MOGAT1: variants seen among roughly 807,000 people sequenced by gnomAD.
The protein encoded by MOGAT1 is monoacylglycerol O-acyltransferase 1, also known as 2-acylglycerol O-acyltransferase 1.
Under a neutral mutation model 31.4 loss-of-function variants are expected in MOGAT1, and 32 were observed. The observed-to-expected ratio is 1.02, with a 90% confidence interval of 0.77 to 1.37. MOGAT1 has a LOEUF of 1.37. Among genes scored for constraint, MOGAT1 ranks in the 40% most tolerant of loss-of-function variants. The probability of loss-of-function intolerance (pLI) is 0.00; values close to 1 mark genes in which losing one functional copy is unlikely to be tolerated. For missense variants in MOGAT1, 426 were observed against 402.0 expected (o/e 1.06, Z -0.51); for synonymous variants, 145 against 144.5 (o/e 1.00, Z -0.03).
chr2:222,688,238 A>G (rs1692705938), intron 1 of MOGAT1, 106 bp from the exon 2 acceptor site: 1 of 787,278 alleles, frequency 1.3e-6, no homozygotes, highest in Non-Finnish European at 2.0e-6. Flanking sequence ...ACCTGAACTG[A>G]GGCTCAGTTT....
intron 2 of MOGAT1, among the ~76,000 whole-genome samples, chr2:222,688,896 T>G (rs750467825): frequency 2.6e-5 from 4 of 152,210 alleles, no homozygotes; most frequent in Non-Finnish European, 4.4e-5. Flanking sequence ...CGTTAATCCA[T>G]TCACTCTGCT....
In MOGAT1 at chr2:222,693,494, A is replaced by G. The variant is rs191556410; in HGVS notation, c.479-868A>G. 8.4e-5 allele frequency among the ~76,000 whole-genome samples: 12 copies of G among 143,160 alleles called. No individual in the cohort carries two copies. In the Admixed American group the frequency reaches 8.8e-4, roughly 11 times the overall value. 93.9% of individuals were successfully genotyped at this position (143,160 alleles called of 152,430 possible). ...AACCATTTTGTATTAGTTCATTTTC[A>G]CACTGCTGATAAAGACATATCCAAG... On this transcript the variant is annotated intron_variant, in intron 3 of 5. Coordinates refer to ENST00000446656, the MANE Select transcript of MOGAT1 (RefSeq NM_058165.3).
intron 1 of MOGAT1, among the ~76,000 whole-genome samples, chr2:222,685,271 A>C (rs1692646435): frequency 6.6e-6 from 1 of 152,208 alleles, no homozygotes; most frequent in South Asian, 2.1e-4. Flanking sequence ...TTATTATAAC[A>C]GTGGCTCACA....
At chr2:222,686,103 A>T (rs929077495) in intron 1 of MOGAT1, among the ~76,000 whole-genome samples, 9 of 152,246 alleles carry the variant, frequency 5.9e-5, no homozygotes, top group African/African-American at 2.2e-4. Flanking sequence ...AGAAAGGAAA[A>T]CAGAACCTCC....
intron 5 of MOGAT1, among the ~76,000 whole-genome samples, chr2:222,701,580 G>GAAAAAGAAAGAAAT (rs1692928776): frequency 9.4e-6 from 1 of 106,794 alleles, no homozygotes; most frequent in African/African-American, 3.9e-5. Flanking sequence ...AGAAAAGAAA[G>GAAAAAGAAAGAAAT]AAAAAGAAAG....
At chr2:222,701,208 G>A (rs980341251) in intron 5 of MOGAT1, among the ~76,000 whole-genome samples, 18 of 151,652 alleles carry the variant, frequency 1.2e-4, no homozygotes, top group African/African-American at 3.4e-4. Flanking sequence ...TGAAGTGAGC[G>A]GAGATCGTGC....
At chr2:222,697,185 G>A (rs1436073758) in intron 5 of MOGAT1, among the ~76,000 whole-genome samples, 1 of 152,182 alleles carries the variant, frequency 6.6e-6, no homozygotes, top group Non-Finnish European at 1.5e-5. Context: ...TTATGAAGCT[G>A]GAAGTAATAT....
chr2:222,701,044 C>T (rs1389648399), intron 5 of MOGAT1, among the ~76,000 whole-genome samples: 1 of 152,212 alleles, frequency 6.6e-6, no homozygotes, highest in East Asian at 1.9e-4. Flanking sequence ...CCCAAATCAT[C>T]ACCTTAGCTA....
At position 222,671,689 on chromosome 2, in the gene MOGAT1, C is replaced by G. The variant is rs1164128785; in HGVS notation, c.-97C>G. The G allele has an allele frequency of 3.8e-6, 4 of 1,045,728 alleles. No individual in the cohort carries two copies. In the African/African-American group the frequency reaches 6.4e-5, roughly 17 times the overall value. The allele number at this position is 1,045,728 out of a possible 1,614,324, so 64.8% of individuals were successfully genotyped here. A position where few individuals can be genotyped will look rare whatever the true frequency, so the allele number is the denominator to read the frequency against. ...TCCTCTCCGCCCAGCCAGTGCCCAGCGCGGGGCCCGGATCCGGCCGGGCAC... is the reference window on the plus strand; with the variant it reads ...TCCTCTCCGCCCAGCCAGTGCCCAGGGCGGGGCCCGGATCCGGCCGGGCAC... On this transcript the variant is annotated 5_prime_UTR_variant, in exon 1 of 6. Coordinates refer to ENST00000446656, the MANE Select transcript of MOGAT1 (RefSeq NM_058165.3).
chr2:222,693,360 G>C (rs907630790), intron 3 of MOGAT1, among the ~76,000 whole-genome samples: 1 of 150,620 alleles, frequency 6.6e-6, no homozygotes, highest in African/African-American at 2.4e-5. Flanking sequence ...TTATCTAACT[G>C]TTTTAAATGA....
intron 3 of MOGAT1, among the ~76,000 whole-genome samples, chr2:222,692,871 G>A (rs1185389829): frequency 1.3e-5 from 2 of 152,146 alleles, no homozygotes; most frequent in Non-Finnish European, 1.5e-5. Flanking sequence ...CCTCTTCCTG[G>A]TGGAAGAGAT....
chr2:222,671,988 G>A, intron 1 of MOGAT1, 109 bp downstream of exon 1: 1 of 880,824 alleles, frequency 1.1e-6, no homozygotes, highest in Non-Finnish European at 1.8e-6. Flanking sequence ...TCCCCTGTCG[G>A]CCAGAGCAGG....
At chr2:222,695,434 G>A (rs968560503) in intron 5 of MOGAT1, 146 bp downstream of exon 5, 3 of 547,444 alleles carry the variant, frequency 5.5e-6, no homozygotes, top group East Asian at 3.1e-5. Flanking sequence ...TTTTGTTTCT[G>A]GTATTCCTTT....
intron 1 of MOGAT1, among the ~76,000 whole-genome samples, chr2:222,684,587 T>C (rs1692634852): frequency 6.6e-6 from 1 of 151,924 alleles, no homozygotes; most frequent in African/African-American, 2.4e-5. Flanking sequence ...TCTTACTTCT[T>C]TTTTTTTGAG....
intron 1 of MOGAT1, among the ~76,000 whole-genome samples, chr2:222,681,845 C>T (rs1692585344): frequency 6.6e-6 from 1 of 152,128 alleles, no homozygotes; most frequent in Non-Finnish European, 1.5e-5. Context: ...AAAGATGTAC[C>T]TAGCACCCCT....
intron 1 of MOGAT1, among the ~76,000 whole-genome samples, chr2:222,679,122 C>T (rs1172696296): frequency 1.3e-5 from 2 of 152,042 alleles, no homozygotes; most frequent in African/African-American, 4.8e-5. Context: ...CCAATGGTTC[C>T]AGCTCTTTTT....
chr2:222,706,872 G>C (rs1169661580), intron 5 of MOGAT1, among the ~76,000 whole-genome samples: 3 of 152,184 alleles, frequency 2.0e-5, no homozygotes, highest in African/African-American at 7.2e-5. Context: ...CAAGATCTTG[G>C]AATTCTTTTA....
rs1157636371 is a variant in MOGAT1, at chr2:222,679,455, G to C, written c.94+7576G>C. ...AAAAAACCCTCCTGGGATTTTGATTGGGATTGCTGTTTGATTGGAATTAGC... is the reference window on the plus strand; with the variant it reads ...AAAAAACCCTCCTGGGATTTTGATTCGGATTGCTGTTTGATTGGAATTAGC... On this transcript the variant is annotated intron_variant, in intron 1 of 5. Transcript: ENST00000446656. 2.0e-5 allele frequency among the ~76,000 whole-genome samples: 3 copies of C among 152,268 alleles called. No individual in the cohort carries two copies. In the South Asian group the frequency reaches 6.2e-4, roughly 32 times the overall value.
chr2:222,682,239 G>A (rs574417652), intron 1 of MOGAT1, among the ~76,000 whole-genome samples: 5 of 151,954 alleles, frequency 3.3e-5, no homozygotes, highest in Admixed American at 6.6e-5. Context: ...AGCATGTATC[G>A]CCTGAAAACA....
Sources: allele counts gnomAD v4.1 joint callset (sites outside exome capture counted in the v4.1 genomes callset), GRCh38; gene constraint gnomAD v4.1.1; transcripts MANE v1.5; gene names NCBI Gene and HGNC (gene_info 2026-07-23, HGNC 2026-07-21).